The following ETNK1 variants were observed in gnomAD, a reference collection of about 807,000 sequenced individuals.
The protein encoded by ETNK1 is putative protein product of Nbla10396.
In ETNK1, 8 loss-of-function variants were observed where a neutral mutation model predicts 45.1. The observed-to-expected ratio is 0.18, with a 90% CI of 0.10 to 0.32. The LOEUF is 0.32. ETNK1 is among the 10% of genes least tolerant of loss of function. The pLI is 1.00. For synonymous variants in ETNK1, 152 were observed against 151.9 expected (o/e 1.00, Z -0.01); for missense variants, 302 against 430.6 (o/e 0.70, Z 2.64).
intron 3 of ETNK1, among the ~76,000 whole-genome samples, chr12:22,660,034 T>TA (rs371874842): frequency 0.013 from 1,569 of 122,522 alleles, 9 homozygotes; most frequent in South Asian, 0.033. Context: ...ACACTACCTT[T>TA]AAAAAAAAAA....
intron 1 of ETNK1, among the ~76,000 whole-genome samples, chr12:22,633,746 C>T (rs536642144): frequency 2.8e-5 from 4 of 145,122 alleles, no homozygotes; most frequent in Admixed American, 2.0e-4. Context: ...TTGATTTATC[C>T]CTAGGTGTTG....
In ETNK1 at chr12:22,686,360, A is replaced by G. The variant is rs527708735; in HGVS notation, c.*1406A>G. The stretch of plus-strand genomic sequence containing the variant: ...CTGACAAGCTTTGCACTTCGGTCAC[A>G]TAAGTGCCCATGTACAAAGTTGGCT... On this transcript the variant is annotated 3_prime_UTR_variant, in exon 8 of 8. Transcript: ENST00000266517. The G allele has an allele frequency of 3.9e-5, 6 of 152,462 alleles. No individual in the cohort carries two copies. The highest frequency in any genetic ancestry group is 2.6e-4 in the Admixed American group (4 of 15,262). The allele number at this position is 152,462 out of a possible 1,614,324, so 9.4% of individuals were successfully genotyped here.
At chr12:22,649,169 T>G (rs1387338115) in intron 2 of ETNK1, among the ~76,000 whole-genome samples, 1 of 152,112 alleles carries the variant, frequency 6.6e-6, no homozygotes, top group Non-Finnish European at 1.5e-5. Context: ...GTGCTTTATC[T>G]TTTTATTCTC....
At chr12:22,640,560 C>T (rs997163490) in intron 1 of ETNK1, among the ~76,000 whole-genome samples, 6 of 151,922 alleles carry the variant, frequency 3.9e-5, no homozygotes, top group Admixed American at 3.3e-4. Context: ...ATAATTTCAT[C>T]ATTACTTTGC....
At chr12:22,678,082 CTTTCT>C (rs1168659973) in intron 6 of ETNK1, among the ~76,000 whole-genome samples, 1 of 152,098 alleles carries the variant, frequency 6.6e-6, no homozygotes, top group Non-Finnish European at 1.5e-5. Flanking sequence ...TTTTCCAAGA[CTTTCT>C]ATATCTTCTT....
At chr12:22,659,372 A>T (rs1953976338) in intron 3 of ETNK1, among the ~76,000 whole-genome samples, 1 of 152,184 alleles carries the variant, frequency 6.6e-6, no homozygotes, top group African/African-American at 2.4e-5. Context: ...GCCCTACAAC[A>T]GCAAGGGGCA....
At chr12:22,627,361 G>A (rs928410883) in intron 1 of ETNK1, among the ~76,000 whole-genome samples, 6 of 151,998 alleles carry the variant, frequency 3.9e-5, no homozygotes, top group African/African-American at 1.5e-4. Flanking sequence ...TTTATAATCC[G>A]AATTTTTAAT....
At chr12:22,667,173 T>C (rs976627723) in intron 4 of ETNK1, among the ~76,000 whole-genome samples, 11 of 152,106 alleles carry the variant, frequency 7.2e-5, no homozygotes, top group Non-Finnish European at 1.5e-4. Context: ...CTAATATAGG[T>C]ACTAGTTTGT....
chr12:22,666,173 T>C (rs1295701111), intron 4 of ETNK1, among the ~76,000 whole-genome samples: 1 of 152,144 alleles, frequency 6.6e-6, no homozygotes, highest in Non-Finnish European at 1.5e-5. Context: ...AAGTTGATGG[T>C]AGCTGTCAAG....
intron 1 of ETNK1, among the ~76,000 whole-genome samples, chr12:22,631,604 A>G (rs1394649879): frequency 6.6e-6 from 1 of 152,162 alleles, no homozygotes; most frequent in Admixed American, 6.5e-5. Context: ...TTTGAGAGAG[A>G]CTGTTGTGTT....
At chr12:22,679,853 A>G (rs1954197340) in intron 6 of ETNK1, among the ~76,000 whole-genome samples, 1 of 151,768 alleles carries the variant, frequency 6.6e-6, no homozygotes, top group Non-Finnish European at 1.5e-5. Context: ...CGCCACACCC[A>G]GCTAATTTTT....
Position 22,689,161 on chromosome 12 carries a change from A to G in ETNK1, c.*4207A>G, listed in dbSNP as rs1390818623. Reference sequence around the variant, plus strand: ...TCTCTGAACAGTTTTTACACTGAAAATCTTCATTTCTGGATTGCAGTTTGA... The same window carrying G: ...TCTCTGAACAGTTTTTACACTGAAAGTCTTCATTTCTGGATTGCAGTTTGA... On this transcript the variant is annotated 3_prime_UTR_variant, in exon 8 of 8. Coordinates refer to ENST00000266517, the MANE Select transcript of ETNK1 (RefSeq NM_018638.5). The G allele has an allele frequency of 2.0e-5, 3 of 151,966 alleles. No individual in the cohort carries two copies. Among genetic ancestry groups the G allele is most frequent in the African/African-American group, 7.2e-5 (3 of 41,442 alleles). The allele number at this position is 151,966 out of a possible 1,614,324, so 9.4% of individuals were successfully genotyped here. A position where few individuals can be genotyped will look rare whatever the true frequency, so the allele number is the denominator to read the frequency against.
At chr12:22,659,443 G>A (rs988119947) in intron 3 of ETNK1, among the ~76,000 whole-genome samples, 5 of 152,088 alleles carry the variant, frequency 3.3e-5, no homozygotes, top group African/African-American at 7.2e-5. Flanking sequence ...GGTGAAGCAA[G>A]ATTTTTCTTG....
At chr12:22,626,912 T>C (rs1953508913) in intron 1 of ETNK1, among the ~76,000 whole-genome samples, 1 of 152,226 alleles carries the variant, frequency 6.6e-6, no homozygotes, top group South Asian at 2.1e-4. Context: ...GTTTATCAAT[T>C]TGTTTGTATT....
At chr12:22,664,013 A>T (rs1954031529) in intron 4 of ETNK1, among the ~76,000 whole-genome samples, 1 of 152,054 alleles carries the variant, frequency 6.6e-6, no homozygotes, top group African/African-American at 2.4e-5. Flanking sequence ...AAACTAAAGT[A>T]TGACAAGAAG....
chr12:22,682,317 T>C, intron 6 of ETNK1: 1 of 488,452 alleles, frequency 2.0e-6, no homozygotes, highest in Non-Finnish European at 4.1e-6. Context: ...CAACAAATAT[T>C]GTCAGTTATT....
chr12:22,663,323 C>T (rs1332199334), intron 4 of ETNK1, among the ~76,000 whole-genome samples: 1 of 152,144 alleles, frequency 6.6e-6, no homozygotes, highest in East Asian at 1.9e-4. Context: ...CTTCATCTTA[C>T]ATTTGAAGTG....
intron 1 of ETNK1, among the ~76,000 whole-genome samples, chr12:22,632,213 A>G (rs1953589427): frequency 1.3e-5 from 2 of 152,120 alleles, no homozygotes; most frequent in Admixed American, 1.3e-4. Flanking sequence ...ATTTAGTTTT[A>G]CTAAAAGGTT....
intron 6 of ETNK1, chr12:22,682,225 G>C: frequency 2.3e-6 from 1 of 435,494 alleles, no homozygotes; most frequent in Admixed American, 2.6e-5. Flanking sequence ...GTACTATATT[G>C]AGAAGCTGTT....
Sources: gnomAD v4.1 joint callset for allele counts (sites outside exome capture counted in the v4.1 genomes callset) on GRCh38, gnomAD v4.1.1 for gene constraint, MANE v1.5 for transcripts, NCBI Gene and HGNC (gene_info 2026-07-23, HGNC 2026-07-21) for gene names.